The following MACROD1 variants were observed in gnomAD, a reference collection of about 807,000 sequenced individuals.
MACROD1 encodes the protein mono-ADP ribosylhydrolase 1.
MACROD1 carries 31 observed loss-of-function variants against 41.4 expected under a neutral mutation model. The observed-to-expected ratio is 0.75, with a 90% CI of 0.56 to 1.01. The LOEUF (loss-of-function observed/expected upper bound fraction) is 1.01. Ranked by LOEUF, MACROD1 falls within the 50% of genes least tolerant of loss-of-function variation. The pLI, the probability that MACROD1 is intolerant of heterozygous loss-of-function variation, is 0.00. For synonymous variants in MACROD1, 252 were observed against 203.4 expected, an observed-to-expected ratio of 1.24 and a Z score of -2.03; for missense variants, 473 against 460.0, an observed-to-expected ratio of 1.03 and a Z score of -0.26.
chr11:64,162,488 C>T (rs543422487), intron 1 of MACROD1, among the ~76,000 whole-genome samples: 14 of 151,974 alleles, frequency 9.2e-5, no homozygotes, highest in East Asian at 5.8e-4. Flanking sequence ...AGCAACTGAG[C>T]GAGACCCTGT....
intron 1 of MACROD1, among the ~76,000 whole-genome samples, chr11:64,162,814 CA>C (rs1192462423): frequency 2.6e-4 from 29 of 112,224 alleles, no homozygotes; most frequent in African/African-American, 2.4e-4. Flanking sequence ...GACTCCATCT[CA>C]AAAAAAAAAA....
At chr11:64,028,656 C>CCTGCCG (rs1376452797) in intron 3 of MACROD1, among the ~76,000 whole-genome samples, 1 of 152,160 alleles carries the variant, frequency 6.6e-6, no homozygotes, top group Non-Finnish European at 1.5e-5. Context: ...CGCCCCGCCC[C>CCTGCCG]CTGCCGCTGG....
At chr11:64,151,810 A>G (rs1313718110) in intron 2 of MACROD1, among the ~76,000 whole-genome samples, 1 of 152,152 alleles carries the variant, frequency 6.6e-6, no homozygotes, top group East Asian at 1.9e-4. Context: ...CAATGGGGAT[A>G]AAAATTGCAC....
intron 3 of MACROD1, among the ~76,000 whole-genome samples, chr11:64,062,857 C>A (rs996172100): frequency 6.6e-6 from 1 of 152,220 alleles, no homozygotes; most frequent in African/African-American, 2.4e-5. Context: ...GCACCTCCAC[C>A]CCGGCCCCGC....
intron 3 of MACROD1, among the ~76,000 whole-genome samples, chr11:64,077,303 G>A (rs1157907157): frequency 3.9e-5 from 6 of 152,318 alleles, no homozygotes; most frequent in Middle Eastern, 3.4e-3. Context: ...CATCCAGGGG[G>A]TCAGGGAGGC....
intron 3 of MACROD1, among the ~76,000 whole-genome samples, chr11:64,056,756 G>T (rs1246568093): frequency 2.0e-5 from 3 of 152,152 alleles, no homozygotes; most frequent in Admixed American, 2.0e-4. Flanking sequence ...GGGACCCCTT[G>T]GTGTGGGATG....
chr11:64,005,022 CTTTATTTA>C (rs60973367), intron 4 of MACROD1, among the ~76,000 whole-genome samples: 9 of 147,574 alleles, frequency 6.1e-5, no homozygotes, highest in Non-Finnish European at 1.3e-4. Flanking sequence ...CTAAGATCCA[CTTTATTTA>C]TTTATTTATT....
intron 3 of MACROD1, among the ~76,000 whole-genome samples, chr11:64,129,288 A>G (rs947565560): frequency 3.9e-5 from 6 of 152,180 alleles, no homozygotes; most frequent in African/African-American, 1.4e-4. Context: ...TGTGCTACTC[A>G]TCCTCTCTGT....
chr11:64,041,199 TAAAAAA>T (rs71045724), intron 3 of MACROD1, among the ~76,000 whole-genome samples: 4 of 21,606 alleles, frequency 1.9e-4, no homozygotes, highest in Non-Finnish European at 2.6e-4. Flanking sequence ...TAGCAAACTG[TAAAAAA>T]AAAAAAAAAA....
rs764289474 is a variant in MACROD1, at chr11:64,015,298, C to G, written c.518-17G>C. On this transcript the variant is annotated splice_polypyrimidine_tract_variant and intron_variant, in intron 3 of 10. Coordinates refer to ENST00000255681, the MANE Select transcript of MACROD1 (RefSeq NM_014067.4). The stretch of plus-strand genomic sequence containing the variant: ...AGCTGTTGGCTGCAAGAGAGAGAGA[C>G]AAAGGCAGATCAGTGGGGAAGGGGC... 1 of 1,603,808 alleles carries G rather than the reference C, an allele frequency of 6.2e-7. No individual in the cohort carries two copies. The highest frequency in any genetic ancestry group is 2.3e-5 in the East Asian group (1 of 44,094).
At chr11:64,066,801 G>A (rs1033087262) in intron 3 of MACROD1, among the ~76,000 whole-genome samples, 2 of 152,246 alleles carry the variant, frequency 1.3e-5, no homozygotes, top group Admixed American at 6.5e-5. Flanking sequence ...ACTATCCTAC[G>A]AGAACTCCAT....
intron 1 of MACROD1, 133 bp downstream of exon 1, chr11:64,165,564 C>T: frequency 2.6e-6 from 2 of 767,312 alleles, no homozygotes; most frequent in Non-Finnish European, 3.8e-6. Flanking sequence ...GGGGTCCGTT[C>T]CAGGGCAGAT....
intron 3 of MACROD1, among the ~76,000 whole-genome samples, chr11:64,041,405 G>A (rs181118810): frequency 6.6e-6 from 1 of 151,756 alleles, no homozygotes; most frequent in East Asian, 1.9e-4. Context: ...AAATGCTGCC[G>A]GGTGCTGGAA....
chr11:64,010,836 T>TGG (rs1943001417), intron 4 of MACROD1, among the ~76,000 whole-genome samples: 1 of 144,054 alleles, frequency 6.9e-6, no homozygotes. Context: ...GGGTGTTGGC[T>TGG]TGCATGTTGG....
chr11:64,150,135 T>A (rs145222975), intron 3 of MACROD1, among the ~76,000 whole-genome samples: 371 of 152,290 alleles, frequency 2.4e-3, no homozygotes, highest in Middle Eastern at 0.01. Context: ...TAGAGCAAGG[T>A]TGCTTCAGGA....
intron 3 of MACROD1, among the ~76,000 whole-genome samples, chr11:64,042,871 CA>C (rs1943515219): frequency 1.3e-5 from 2 of 152,194 alleles, no homozygotes; most frequent in African/African-American, 2.4e-5. Flanking sequence ...CCCCAGTTTC[CA>C]GGGGCTTCTG....
intron 3 of MACROD1, among the ~76,000 whole-genome samples, chr11:64,131,472 G>A (rs936677022): frequency 3.3e-5 from 5 of 152,156 alleles, no homozygotes; most frequent in African/African-American, 7.2e-5. Flanking sequence ...GTGTACAGGC[G>A]TGTGCTACCA....
At chr11:64,162,615 C>A (rs1219784632) in intron 1 of MACROD1, among the ~76,000 whole-genome samples, 1 of 150,842 alleles carries the variant, frequency 6.6e-6, no homozygotes, top group Non-Finnish European at 1.5e-5. Flanking sequence ...GAGATTGAGA[C>A]CATCCTGGCT....
chr11:64,145,514 G>A (rs996670727), intron 3 of MACROD1, among the ~76,000 whole-genome samples: 9 of 152,250 alleles, frequency 5.9e-5, no homozygotes, highest in African/African-American at 2.2e-4. Context: ...CCTGCCCTTC[G>A]GTGGAACTGA....
Sources: allele counts gnomAD v4.1 joint callset (sites outside exome capture counted in the v4.1 genomes callset), GRCh38; gene constraint gnomAD v4.1.1; transcripts MANE v1.5; gene names NCBI Gene and HGNC (gene_info 2026-07-23, HGNC 2026-07-21).